PDCD6IP: variants seen among roughly 807,000 people sequenced by gnomAD.
The protein encoded by PDCD6IP is programmed cell death 6-interacting protein.
A neutral mutation model predicts 103.7 loss-of-function variants in PDCD6IP; 43 were observed. The ratio of observed to expected loss-of-function variants is 0.41; its 90% CI spans 0.32 to 0.53. The LOEUF is 0.53. Ranked by LOEUF, PDCD6IP falls within the 20% of genes least tolerant of loss-of-function variation. The probability of loss-of-function intolerance (pLI) is 0.16; values close to 1 mark genes in which losing one functional copy is unlikely to be tolerated. For synonymous variants in PDCD6IP, 354 were observed against 378.7 expected (o/e 0.93, Z 0.76); for missense variants, 871 against 1,036.7 (o/e 0.84, Z 2.20).
Position 33,866,394 on chromosome 3 carries a change from T to C in PDCD6IP, c.2476T>C (p.Tyr826His). ...PMPMGYNPYA[Y>H]GQYNMPYPPV... The stretch of plus-strand genomic sequence containing the variant: ...GCCCATGGGCTATAATCCTTATGCG[T>C]ATGGCCAGTATAATATGCCATATCC... The change falls in exon 18 of 18, where the codon TAT (tyrosine) becomes CAT (histidine). Residue 826 changes from tyrosine to histidine, a missense_variant. Tyr to His is a moderately conservative substitution (Grantham distance 83). Transcript: ENST00000307296. 3 of 1,605,550 alleles carry C rather than the reference T, an allele frequency of 1.9e-6. No homozygotes were observed. The highest frequency in any genetic ancestry group is 2.7e-5 in the African/African-American group (2 of 74,588).
intron 15 of PDCD6IP, among the ~76,000 whole-genome samples, chr3:33,863,306 T>A (rs565063350): frequency 2.2e-4 from 34 of 152,246 alleles, no homozygotes; most frequent in Non-Finnish European, 4.6e-4. Context: ...CTTCTAGCTA[T>A]TTTGAAATAT....
intron 11 of PDCD6IP, among the ~76,000 whole-genome samples, chr3:33,845,011 A>C (rs1163310447): frequency 6.6e-6 from 1 of 151,554 alleles, no homozygotes; most frequent in Non-Finnish European, 1.5e-5. Flanking sequence ...TAAAAAGTTC[A>C]TATATTATTG....
At chr3:33,826,426 C>A in intron 5 of PDCD6IP, 54 bp from the exon 6 acceptor site, 3 of 1,219,700 alleles carry the variant, frequency 2.5e-6, no homozygotes, top group South Asian at 2.8e-5. Context: ...TATACTGAGA[C>A]ATGTCAGATT....
At chr3:33,830,100 T>C (rs1212740027) in intron 7 of PDCD6IP, among the ~76,000 whole-genome samples, 1 of 152,146 alleles carries the variant, frequency 6.6e-6, no homozygotes, top group Non-Finnish European at 1.5e-5. Flanking sequence ...ACATGAACTT[T>C]GGGGGACACA....
At chr3:33,818,176 C>T (rs950970127) in intron 3 of PDCD6IP, among the ~76,000 whole-genome samples, 49 of 131,802 alleles carry the variant, frequency 3.7e-4, no homozygotes, top group African/African-American at 1.1e-3. Flanking sequence ...GGCATGATCT[C>T]GGCTTACTGC....
chr3:33,848,174 T>G (rs1318656718), intron 12 of PDCD6IP, among the ~76,000 whole-genome samples: 3 of 152,188 alleles, frequency 2.0e-5, no homozygotes, highest in East Asian at 1.9e-4. Context: ...GTTTGTTTAT[T>G]TATTTACTCA....
At chr3:33,837,759 TGTATTTTTA>T (rs1697382829) in intron 8 of PDCD6IP, among the ~76,000 whole-genome samples, 1 of 152,166 alleles carries the variant, frequency 6.6e-6, no homozygotes. Flanking sequence ...GGCTAATTTT[TGTATTTTTA>T]GTAGAGATGG....
chr3:33,808,535 T>G (rs142049990), intron 1 of PDCD6IP, among the ~76,000 whole-genome samples: 49 of 152,246 alleles, frequency 3.2e-4, no homozygotes, highest in African/African-American at 1.1e-3. Context: ...TACCTCAGCC[T>G]CCCAAAGTGT....
intron 1 of PDCD6IP, chr3:33,810,995 C>G (rs970735540): frequency 3.4e-6 from 1 of 295,450 alleles, no homozygotes; most frequent in African/African-American, 2.3e-5. Flanking sequence ...AAGTGATCCT[C>G]CCACCTCAGC....
chr3:33,843,176 G>A (rs778108849), intron 10 of PDCD6IP, among the ~76,000 whole-genome samples: 1 of 152,084 alleles, frequency 6.6e-6, no homozygotes. Flanking sequence ...TTAGAGCCAA[G>A]GTCCAGACAG....
chr3:33,805,279 C>T (rs950622614), intron 1 of PDCD6IP, among the ~76,000 whole-genome samples: 4 of 148,828 alleles, frequency 2.7e-5, no homozygotes, highest in Admixed American at 6.7e-5. Flanking sequence ...TGCTTGAACC[C>T]GGAAGGTGGA....
At position 33,867,911 on chromosome 3, in the gene PDCD6IP, G is replaced by A. The variant is rs1698102106; in HGVS notation, c.*1386G>A. ...CTTGTCCCACTGTTGTTTTCATTGA[G>A]TTTGGATTTATATTTTAAATGTTCG... On this transcript the variant is annotated 3_prime_UTR_variant, in exon 18 of 18. Coordinates refer to ENST00000307296, the MANE Select transcript of PDCD6IP (RefSeq NM_013374.6). 6.6e-6 allele frequency: 1 copy of A among 152,238 alleles called. No homozygotes were observed. Among genetic ancestry groups the A allele is most frequent in the South Asian group, 2.1e-4 (1 of 4,822 alleles). 9.4% of individuals were successfully genotyped at this position (152,238 alleles called of 1,614,324 possible). A position where few individuals can be genotyped will look rare whatever the true frequency, so the allele number is the denominator to read the frequency against.
At position 33,857,559 on chromosome 3, in the gene PDCD6IP, A is replaced by G. The variant is rs566310751; in HGVS notation, c.2120+2299A>G. On this transcript the variant is annotated intron_variant, in intron 15 of 17. Coordinates refer to ENST00000307296, the MANE Select transcript of PDCD6IP (RefSeq NM_013374.6). ...CAGTTTCAGTTATGAATATGGATGC[A>G]GAAGTCCTAAATAAAGTATTTGCCA... Among the ~76,000 whole-genome samples, 18 of 152,368 alleles carry G rather than the reference A, an allele frequency of 1.2e-4. No individual in the cohort carries two copies. In the East Asian group the frequency reaches 3.1e-3, roughly 26 times the overall value.
intron 2 of PDCD6IP, 45 bp from the exon 3 acceptor site, chr3:33,813,514 T>C: frequency 8.5e-7 from 1 of 1,172,072 alleles, no homozygotes; most frequent in Non-Finnish European, 1.2e-6. Flanking sequence ...TTTAATGAGA[T>C]TCAGGAAGGT....
intron 3 of PDCD6IP, among the ~76,000 whole-genome samples, chr3:33,816,365 A>G (rs1696850510): frequency 6.6e-6 from 1 of 151,944 alleles, no homozygotes; most frequent in South Asian, 2.1e-4. Flanking sequence ...TTAGCCAGGT[A>G]TAGTGGCGCA....
intron 1 of PDCD6IP, among the ~76,000 whole-genome samples, chr3:33,810,286 C>T (rs1161679283): frequency 6.6e-6 from 1 of 152,122 alleles, no homozygotes; most frequent in East Asian, 1.9e-4. Flanking sequence ...TCAATGGGCT[C>T]TTATTTTTTA....
At chr3:33,853,786 T>A (rs1697769703) in intron 13 of PDCD6IP, 93 bp from the exon 14 acceptor site, 3 of 1,087,888 alleles carry the variant, frequency 2.8e-6, no homozygotes, top group Non-Finnish European at 3.7e-6. Flanking sequence ...TAATTACATA[T>A]GATTTTCATA....
chr3:33,813,447 ATTT>A, intron 2 of PDCD6IP, 109 bp from the exon 3 acceptor site: 1 of 682,660 alleles, frequency 1.5e-6, no homozygotes, highest in Admixed American at 2.7e-5. Context: ...AGGAGATAAT[ATTT>A]TGAGCTTTTG....
chr3:33,826,748 G>A, intron 6 of PDCD6IP, 168 bp downstream of exon 6: 1 of 1,323,278 alleles, frequency 7.6e-7, no homozygotes, highest in East Asian at 2.8e-5. Context: ...TAAGATGCAT[G>A]AACAATTCTT....
Sources: gnomAD v4.1 joint callset for allele counts (sites outside exome capture counted in the v4.1 genomes callset) on GRCh38, gnomAD v4.1.1 for gene constraint, MANE v1.5 for transcripts, NCBI Gene and HGNC (gene_info 2026-07-23, HGNC 2026-07-21) for gene names.